Variants in FBXO3 observed in about 807,000 individuals in gnomAD.
FBXO3 encodes the protein F-box only protein 3.
A neutral mutation model predicts 64.8 loss-of-function variants in FBXO3; 17 were observed. The observed-to-expected ratio is 0.26, with a 90% CI of 0.18 to 0.39. FBXO3 has a LOEUF of 0.39. Among genes scored for constraint, FBXO3 ranks in the 10% least tolerant of loss-of-function variants. The pLI, the probability that FBXO3 is intolerant of heterozygous loss-of-function variation, is 1.00. For missense variants in FBXO3, 420 were observed against 589.9 expected, an observed-to-expected ratio of 0.71 and a Z score of 2.98; for synonymous variants, 182 against 201.6, an observed-to-expected ratio of 0.90 and a Z score of 0.82.
intron 1 of FBXO3, 100 bp downstream of exon 1, chr11:33,774,294 G>C (rs1176264410): frequency 9.6e-7 from 1 of 1,038,892 alleles, no homozygotes; most frequent in Non-Finnish European, 1.4e-6. Context: ...CTGGTGTCGC[G>C]GAAGCTCGGG....
At chr11:33,752,595 A>C (rs1213702911) in intron 6 of FBXO3, among the ~76,000 whole-genome samples, 1 of 152,208 alleles carries the variant, frequency 6.6e-6, no homozygotes, top group African/African-American at 2.4e-5. Context: ...GAGAGAAGGC[A>C]AACTATAATA....
intron 3 of FBXO3, among the ~76,000 whole-genome samples, chr11:33,760,385 G>A (rs1855213153): frequency 6.6e-6 from 1 of 152,120 alleles, no homozygotes; most frequent in Non-Finnish European, 1.5e-5. Flanking sequence ...GCTCATGCAT[G>A]TAATCCCAGC....
chr11:33,767,426 A>T (rs1855402805), intron 3 of FBXO3, among the ~76,000 whole-genome samples: 1 of 152,074 alleles, frequency 6.6e-6, no homozygotes, highest in Non-Finnish European at 1.5e-5. Context: ...CAGCCTCCTG[A>T]GTAGCTGGGA....
At chr11:33,767,304 T>G (rs933233011) in intron 3 of FBXO3, among the ~76,000 whole-genome samples, 8 of 152,192 alleles carry the variant, frequency 5.3e-5, no homozygotes, top group Non-Finnish European at 2.9e-5. Context: ...TTTTTTGTTT[T>G]GTTTTGTTTT....
Position 33,750,726 on chromosome 11 carries a change from T to C in FBXO3, c.810-65A>G, listed in dbSNP as rs1431855810. 10 of 1,462,392 alleles carry C rather than the reference T, an allele frequency of 6.8e-6. No homozygotes were observed. In the East Asian group the frequency reaches 1.8e-4, roughly 27 times the overall value. The allele number at this position is 1,462,392 out of a possible 1,614,324, so 90.6% of individuals were successfully genotyped here. A position where few individuals can be genotyped will look rare whatever the true frequency, so the allele number is the denominator to read the frequency against. ...AGGATTTAAAAGATACGATGCAAAA[T>C]AGGTTATACTTTAGGACAAAAAATT... On this transcript the variant is annotated intron_variant, in intron 7 of 10. Coordinates refer to ENST00000265651, the MANE Select transcript of FBXO3 (RefSeq NM_012175.4).
intron 2 of FBXO3, among the ~76,000 whole-genome samples, chr11:33,770,513 A>C (rs1233516277): frequency 6.6e-6 from 1 of 152,228 alleles, no homozygotes; most frequent in African/African-American, 2.4e-5. Context: ...AGGAGCATGC[A>C]GATAGTCACT....
intron 7 of FBXO3, 70 bp downstream of exon 7, chr11:33,751,453 A>G (rs1295386590): frequency 9.7e-7 from 1 of 1,032,750 alleles, no homozygotes; most frequent in East Asian, 2.4e-5. Context: ...ACTTCATTTC[A>G]TGATCTGTGA....
At chr11:33,762,247 T>TAC (rs1233612411) in intron 3 of FBXO3, among the ~76,000 whole-genome samples, 3 of 152,144 alleles carry the variant, frequency 2.0e-5, no homozygotes, top group Non-Finnish European at 4.4e-5. Context: ...GCAGACAAAA[T>TAC]ACACAATTCA....
chr11:33,761,366 C>T (rs1277789073), intron 3 of FBXO3, among the ~76,000 whole-genome samples: 3 of 152,012 alleles, frequency 2.0e-5, no homozygotes, highest in Admixed American at 6.5e-5. Context: ...AAAGTAAATA[C>T]AGAAAACAAA....
At chr11:33,761,068 G>A (rs1855229036) in intron 3 of FBXO3, among the ~76,000 whole-genome samples, 1 of 152,126 alleles carries the variant, frequency 6.6e-6, no homozygotes, top group Non-Finnish European at 1.5e-5. Context: ...TGTCCAGGAA[G>A]TGGAAAAAAT....
At chr11:33,752,641 T>C (rs1390202337) in intron 6 of FBXO3, among the ~76,000 whole-genome samples, 1 of 152,214 alleles carries the variant, frequency 6.6e-6, no homozygotes, top group Non-Finnish European at 1.5e-5. Flanking sequence ...AATGACCCAT[T>C]CTGACCCAAT....
chr11:33,747,450 A>C (rs1854842851), intron 9 of FBXO3, 130 bp from the exon 10 acceptor site: 1 of 721,168 alleles, frequency 1.4e-6, no homozygotes, highest in East Asian at 2.9e-5. Context: ...AAAAAATTCC[A>C]AAAGAAAATG....
intron 5 of FBXO3, among the ~76,000 whole-genome samples, chr11:33,754,954 C>T (rs1018342567): frequency 6.7e-5 from 10 of 149,872 alleles, no homozygotes; most frequent in African/African-American, 2.5e-4. Context: ...TGACCTCCGC[C>T]TCCCGGATTC....
chr11:33,762,537 A>G (rs1039879555), intron 3 of FBXO3, among the ~76,000 whole-genome samples: 13 of 152,282 alleles, frequency 8.5e-5, no homozygotes, highest in Admixed American at 5.2e-4. Flanking sequence ...ATACACTTCT[A>G]TATCATTCAT....
At chr11:33,750,776 A>G in intron 7 of FBXO3, 115 bp from the exon 8 acceptor site, 5 of 951,090 alleles carry the variant, frequency 5.3e-6, no homozygotes, top group Non-Finnish European at 7.7e-6. Context: ...GACCCAGAAA[A>G]GTTCAATAAT....
At chr11:33,747,694 T>A (rs969382968) in intron 9 of FBXO3, among the ~76,000 whole-genome samples, 4 of 152,070 alleles carry the variant, frequency 2.6e-5, no homozygotes, top group Non-Finnish European at 1.5e-5. Flanking sequence ...GTATTTTTAG[T>A]AGAGGCAGGG....
In FBXO3 at chr11:33,758,494, C is replaced by A; in HGVS notation, c.466G>T (p.Val156Phe). 1 of 1,589,162 alleles carries A rather than the reference C, an allele frequency of 6.3e-7. No homozygotes were observed. Among genetic ancestry groups the A allele is most frequent in the Non-Finnish European group, 8.6e-7 (1 of 1,162,788 alleles). The change falls in exon 4 of 11, where the codon GTT (valine) becomes TTT (phenylalanine). Residue 156 changes from valine (V) to phenylalanine (F), a missense_variant. Val to Phe is a conservative substitution (Grantham distance 50). Transcript: ENST00000265651. Reference sequence around the variant, plus strand: ...AAACATTGAATATCTTACCCAGGAACCACTAACTTCTGTCCATTGTGAATT... The same window carrying A: ...AAACATTGAATATCTTACCCAGGAAACACTAACTTCTGTCCATTGTGAATT... The part of the protein sequence containing the change: ...YRIHNGQKLV[V>F]PGLLGSMALS...
At chr11:33,749,497 G>A (rs1345864947) in intron 8 of FBXO3, among the ~76,000 whole-genome samples, 2 of 151,976 alleles carry the variant, frequency 1.3e-5, no homozygotes, top group Non-Finnish European at 2.9e-5. Flanking sequence ...AGTAGCTGGG[G>A]ACTACAGGCA....
chr11:33,757,920 T>G (rs1006315498), intron 4 of FBXO3, among the ~76,000 whole-genome samples: 4 of 147,794 alleles, frequency 2.7e-5, no homozygotes, highest in African/African-American at 1.0e-4. Context: ...CATGCTACTA[T>G]ACTCCAGGCT....
Sources: gnomAD v4.1 joint callset for allele counts (sites outside exome capture counted in the v4.1 genomes callset) on GRCh38, gnomAD v4.1.1 for gene constraint, MANE v1.5 for transcripts, NCBI Gene and HGNC (gene_info 2026-07-23, HGNC 2026-07-21) for gene names.